Variants in GRID2 observed in about 807,000 individuals in gnomAD.
GRID2 encodes glutamate receptor ionotropic, delta-2.
A neutral mutation model predicts 114.8 loss-of-function variants in GRID2; 33 were observed. That is an observed-to-expected ratio of 0.29 (90% CI 0.22 to 0.38). The LOEUF is 0.38. GRID2 is among the 10% of genes least tolerant of loss of function. GRID2 has a pLI of 1.00. For synonymous variants in GRID2, 505 were observed against 449.9 expected (o/e 1.12, Z -1.55); for missense variants, 1,184 against 1,257.7 (o/e 0.94, Z 0.89).
intron 13 of GRID2, among the ~76,000 whole-genome samples, chr4:93,616,917 CG>C (rs1222009879): frequency 2.0e-5 from 3 of 150,962 alleles, no homozygotes; most frequent in Non-Finnish European, 4.4e-5. Context: ...GGCGTGAACC[CG>C]GGAGGTGGAG....
At chr4:92,880,614 AG>A (rs1274921945) in intron 2 of GRID2, among the ~76,000 whole-genome samples, 1 of 152,226 alleles carries the variant, frequency 6.6e-6, no homozygotes, top group Non-Finnish European at 1.5e-5. Context: ...TTCATATTTA[AG>A]GATACCAATT....
chr4:92,741,490 C>T (rs1383118623), intron 2 of GRID2, among the ~76,000 whole-genome samples: 4 of 152,182 alleles, frequency 2.6e-5, no homozygotes, highest in African/African-American at 4.8e-5. Context: ...TCCTACATGC[C>T]ATCCAAACTA....
chr4:93,267,148 T>C (rs1249422631), intron 8 of GRID2, among the ~76,000 whole-genome samples: 1 of 151,686 alleles, frequency 6.6e-6, no homozygotes, highest in African/African-American at 2.4e-5. Flanking sequence ...AGTGTTCCAT[T>C]GAATAGTACA....
At chr4:93,156,905 A>G (rs1287021778) in intron 4 of GRID2, among the ~76,000 whole-genome samples, 1 of 151,722 alleles carries the variant, frequency 6.6e-6, no homozygotes, top group African/African-American at 2.4e-5. Flanking sequence ...TGTTTGTTGA[A>G]TAAAAGGAAA....
intron 13 of GRID2, among the ~76,000 whole-genome samples, chr4:93,523,009 G>T (rs1730487315): frequency 6.6e-6 from 1 of 152,078 alleles, no homozygotes; most frequent in Non-Finnish European, 1.5e-5. Flanking sequence ...GAGGAGTGTT[G>T]CAGGGTCAGT....
intron 14 of GRID2, among the ~76,000 whole-genome samples, chr4:93,701,733 A>G (rs981043153): frequency 6.6e-6 from 1 of 152,058 alleles, no homozygotes; most frequent in African/African-American, 2.4e-5. Context: ...ATATATCTGT[A>G]GTCCCAGATA....
chr4:93,615,140 A>G (rs536456940), intron 13 of GRID2, among the ~76,000 whole-genome samples: 2 of 152,342 alleles, frequency 1.3e-5, no homozygotes, highest in South Asian at 2.1e-4. Flanking sequence ...TGAGAGTTCA[A>G]TTATTAGCAA....
chr4:93,786,909 G>T (rs772516035), intron 1 of GRID2, among the ~76,000 whole-genome samples: 4 of 152,136 alleles, frequency 2.6e-5, no homozygotes, highest in Non-Finnish European at 5.9e-5. Flanking sequence ...ACTACTCAAA[G>T]TGGTACTAAA....
intron 13 of GRID2, among the ~76,000 whole-genome samples, chr4:93,538,420 AG>A (rs1732320785): frequency 6.6e-6 from 1 of 151,862 alleles, no homozygotes; most frequent in Admixed American, 6.6e-5. Context: ...AAGTGGGAGA[AG>A]AAACAAATAT....
intron 1 of GRID2, among the ~76,000 whole-genome samples, chr4:92,486,132 T>A (rs1003573283): frequency 2.6e-5 from 4 of 151,498 alleles, no homozygotes; most frequent in Admixed American, 6.6e-5. Context: ...GTAAATCTTA[T>A]AATGAAAATA....
chr4:93,750,750 C>T (rs777025311), intron 14 of GRID2, among the ~76,000 whole-genome samples: 1 of 150,470 alleles, frequency 6.6e-6, no homozygotes, highest in African/African-American at 2.5e-5. Flanking sequence ...CACAAGACTC[C>T]GTCTCAAAAA....
At chr4:93,397,285 A>T (rs994955855) in intron 9 of GRID2, among the ~76,000 whole-genome samples, 1 of 152,038 alleles carries the variant, frequency 6.6e-6, no homozygotes, top group Admixed American at 6.6e-5. Flanking sequence ...GTATTTCACA[A>T]CTTAAATGTG....
intron 2 of GRID2, among the ~76,000 whole-genome samples, chr4:92,754,967 T>G (rs1349321964): frequency 6.6e-6 from 1 of 152,216 alleles, no homozygotes; most frequent in Non-Finnish European, 1.5e-5. Context: ...TCTGTGCGTG[T>G]GCATACATGT....
At chr4:92,746,844 C>G (rs1438598211) in intron 2 of GRID2, among the ~76,000 whole-genome samples, 2 of 152,048 alleles carry the variant, frequency 1.3e-5, no homozygotes, top group Non-Finnish European at 2.9e-5. Context: ...ATGTCACTCT[C>G]TCTATAGAAA....
chr4:93,012,256 C>T (rs1278320433), intron 2 of GRID2, among the ~76,000 whole-genome samples: 1 of 151,894 alleles, frequency 6.6e-6, no homozygotes, highest in Non-Finnish European at 1.5e-5. Flanking sequence ...CCTCTTTGCC[C>T]TCTCTTCGTT....
intron 9 of GRID2, among the ~76,000 whole-genome samples, chr4:93,413,148 T>A (rs898505414): frequency 2.6e-5 from 4 of 152,150 alleles, no homozygotes; most frequent in Admixed American, 6.5e-5. Flanking sequence ...TATTTCTGGT[T>A]CTAGATCCTT....
chr4:93,231,946 T>C (rs1269468869), intron 7 of GRID2, among the ~76,000 whole-genome samples: 3 of 152,118 alleles, frequency 2.0e-5, no homozygotes, highest in Non-Finnish European at 2.9e-5. Flanking sequence ...GATAGCATCT[T>C]AATGGAAATT....
At chr4:93,768,248 G>C (rs1205821308) in intron 14 of GRID2, among the ~76,000 whole-genome samples, 1 of 152,210 alleles carries the variant, frequency 6.6e-6, no homozygotes, top group Non-Finnish European at 1.5e-5. Context: ...GTTTGGCCAG[G>C]AAATTCCAGG....
At chr4:92,645,861 T>C (rs1489249904) in intron 2 of GRID2, among the ~76,000 whole-genome samples, 1 of 151,618 alleles carries the variant, frequency 6.6e-6, no homozygotes, top group Non-Finnish European at 1.5e-5. Flanking sequence ...CTGTCTCCTG[T>C]TGATGAACAT....
Sources: allele counts gnomAD v4.1 joint callset (sites outside exome capture counted in the v4.1 genomes callset), GRCh38; gene constraint gnomAD v4.1.1; transcripts MANE v1.5; gene names NCBI Gene and HGNC (gene_info 2026-07-23, HGNC 2026-07-21).